The following SPAG9 variants were observed in gnomAD, a reference collection of about 807,000 sequenced individuals.
SPAG9 encodes the protein sperm associated antigen 9.
Under a neutral mutation model 166.5 loss-of-function variants are expected in SPAG9, and 35 were observed. That is an observed-to-expected ratio of 0.21 (90% CI 0.16 to 0.28). The LOEUF (loss-of-function observed/expected upper bound fraction) is 0.28, where lower values mean the gene tolerates loss of function less well. Ranked by LOEUF, SPAG9 falls within the 10% of genes least tolerant of loss-of-function variation. SPAG9 has a pLI of 1.00. For synonymous variants in SPAG9, 534 were observed against 565.5 expected, an observed-to-expected ratio of 0.94 and a Z score of 0.79; for missense variants, 1,235 against 1,603.3, an observed-to-expected ratio of 0.77 and a Z score of 3.92.
chr17:51,019,094 C>T (rs574761225), intron 8 of SPAG9, among the ~76,000 whole-genome samples: 1 of 152,260 alleles, frequency 6.6e-6, no homozygotes, highest in African/African-American at 2.4e-5. Context: ...GTGTTCAGGG[C>T]TCACTTGTCC....
intron 25 of SPAG9, among the ~76,000 whole-genome samples, chr17:50,981,428 G>GGATA (rs946298238): frequency 2.8e-4 from 43 of 151,052 alleles, no homozygotes; most frequent in African/African-American, 1.0e-3. Flanking sequence ...ATGGATGGAT[G>GGATA]GATAGACAGC....
intron 1 of SPAG9, among the ~76,000 whole-genome samples, chr17:51,111,069 T>A (rs1019161832): frequency 8.0e-5 from 12 of 150,008 alleles, no homozygotes; most frequent in African/African-American, 3.0e-4. Context: ...TGAGCCGAGA[T>A]CCCGCCACTG....
intron 1 of SPAG9, chr17:51,084,366 C>G (rs1373715333): frequency 2.0e-5 from 3 of 152,010 alleles, no homozygotes. Context: ...AACTTAACTA[C>G]TATATCTGGG....
chr17:51,118,550 G>A (rs1419939679), intron 1 of SPAG9, among the ~76,000 whole-genome samples: 3 of 152,210 alleles, frequency 2.0e-5, no homozygotes, highest in African/African-American at 4.8e-5. Flanking sequence ...CTTGTCACCT[G>A]TGTGTACATG....
At chr17:51,001,664 C>A (rs1310808459) in intron 13 of SPAG9, 51 bp downstream of exon 13, 2 of 1,568,104 alleles carry the variant, frequency 1.3e-6, no homozygotes, top group South Asian at 1.2e-5. Context: ...AAGGAATATT[C>A]AAACCTACAA....
chr17:50,982,625 G>A lies in SPAG9; in HGVS notation c.3136C>T (p.Pro1046Ser). The A allele has an allele frequency of 6.2e-7, 1 of 1,613,824 alleles. No individual in the cohort carries two copies. The highest frequency in any genetic ancestry group is 8.5e-7 in the Non-Finnish European group (1 of 1,179,890). Residue 1046 changes from proline to serine, a missense_variant, in exon 25 of 30, where the codon CCT becomes TCT. Pro to Ser is a moderately conservative substitution (Grantham distance 74). Transcript: ENST00000262013. ...GTCATGCAACGGATGGAATGATGAG[G>A]CCGTCCAAGGTCTAAGAGGTGATAG... ...SNYHLLDLGR[P>S]HHSIRCMTVV...
chr17:51,028,129 A>G (rs1038645334), intron 6 of SPAG9, among the ~76,000 whole-genome samples: 3 of 152,038 alleles, frequency 2.0e-5, no homozygotes, highest in African/African-American at 4.8e-5. Flanking sequence ...TAAAGAAAAT[A>G]TTTTCATAGA....
At chr17:51,027,910 G>C (rs1166632815) in intron 6 of SPAG9, among the ~76,000 whole-genome samples, 1 of 152,136 alleles carries the variant, frequency 6.6e-6, no homozygotes, top group African/African-American at 2.4e-5. Context: ...TGTCATCATA[G>C]GAGGTGATAG....
intron 8 of SPAG9, among the ~76,000 whole-genome samples, chr17:51,018,797 C>A (rs939917857): frequency 6.6e-6 from 1 of 152,136 alleles, no homozygotes; most frequent in Admixed American, 6.5e-5. Context: ...CCATAGCCAA[C>A]GGTGTGTTTC....
chr17:50,976,229 CTGTG>C lies in SPAG9; in HGVS notation c.3523+875_3523+878del, dbSNP rs546325064. Among the ~76,000 whole-genome samples, 40 of 151,834 alleles carry C rather than the reference CTGTG, an allele frequency of 2.6e-4. 1 individual carries two copies. The South Asian group carries it at 5.4e-3, about 20-fold the overall frequency. On this transcript the variant is annotated intron_variant, in intron 27 of 29. Coordinates refer to ENST00000262013, the MANE Select transcript of SPAG9 (RefSeq NM_001130528.3). ...ATGCTAAAATTTCTCCTTTATTTCT[CTGTG>C]TGTGTGTGTTTTAAAAAACAAATCC...
intron 21 of SPAG9, 152 bp downstream of exon 21, chr17:50,989,525 G>A (rs182727615): frequency 3.3e-5 from 24 of 721,072 alleles, no homozygotes; most frequent in African/African-American, 1.0e-4. Flanking sequence ...ATGATGGAGC[G>A]GGAATACATG....
chr17:50,968,984 G>A (rs1973563221), intron 29 of SPAG9, among the ~76,000 whole-genome samples: 1 of 151,698 alleles, frequency 6.6e-6, no homozygotes, highest in South Asian at 2.1e-4. Flanking sequence ...CCAGGCTGGA[G>A]TGCAGTGGTG....
chr17:51,087,344 G>C (rs868254463), intron 1 of SPAG9, among the ~76,000 whole-genome samples: 3 of 152,276 alleles, frequency 2.0e-5, no homozygotes, highest in Middle Eastern at 6.8e-3. Context: ...AAGAATTTAT[G>C]AATGAGAAAA....
chr17:51,037,682 TATAGTGTGTGTGTGTG>T (rs2046654268), intron 5 of SPAG9, among the ~76,000 whole-genome samples: 1 of 96,328 alleles, frequency 1.0e-5, no homozygotes, highest in African/African-American at 3.4e-5. Flanking sequence ...TATATATATA[TATAGTGTGTGTGTGTG>T]TGTGTGTGTG....
chr17:50,998,392 C>A, intron 15 of SPAG9, 52 bp downstream of exon 15: 2 of 1,520,530 alleles, frequency 1.3e-6, no homozygotes, highest in Admixed American at 3.6e-5. Context: ...CAAGAATATT[C>A]TGAACCACTA....
chr17:51,056,555 G>A (rs2047367604), intron 2 of SPAG9, 73 bp from the exon 3 acceptor site: 1 of 923,682 alleles, frequency 1.1e-6, no homozygotes. Context: ...GTTAGACTCA[G>A]AATGGGCTAT....
chr17:51,070,819 A>G (rs1438389219), intron 2 of SPAG9, among the ~76,000 whole-genome samples: 1 of 152,210 alleles, frequency 6.6e-6, no homozygotes, highest in Non-Finnish European at 1.5e-5. Context: ...CCATTAAATA[A>G]TTCTCATTAG....
At chr17:51,022,632 T>C (rs1435542132) in intron 6 of SPAG9, among the ~76,000 whole-genome samples, 1 of 101,260 alleles carries the variant, frequency 9.9e-6, no homozygotes, top group East Asian at 2.1e-4. Context: ...CCACCACCAC[T>C]AATAATAATA....
intron 2 of SPAG9, among the ~76,000 whole-genome samples, chr17:51,070,150 AAT>A (rs1431073726): frequency 1.3e-5 from 2 of 152,126 alleles, no homozygotes; most frequent in African/African-American, 4.8e-5. Flanking sequence ...CTAAAAAAAA[AAT>A]ATCACTGTCA....
Sources: gnomAD v4.1 joint callset for allele counts (sites outside exome capture counted in the v4.1 genomes callset) on GRCh38, gnomAD v4.1.1 for gene constraint, MANE v1.5 for transcripts, NCBI Gene and HGNC (gene_info 2026-07-23, HGNC 2026-07-21) for gene names.